Variants in C5orf24 observed in about 807,000 individuals in gnomAD.
C5orf24 encodes the protein chromosome 5 open reading frame 24.
C5orf24 carries 4 observed loss-of-function variants against 9.8 expected under a neutral mutation model. The observed-to-expected ratio is 0.41, with a 90% CI of 0.20 to 0.93. The LOEUF (loss-of-function observed/expected upper bound fraction) is 0.93, where lower values mean the gene tolerates loss of function less well. Ranked by LOEUF, C5orf24 falls within the 40% of genes least tolerant of loss-of-function variation. The pLI is 0.33. For missense variants in C5orf24, 170 were observed against 236.9 expected, an observed-to-expected ratio of 0.72 and a Z score of 1.85; for synonymous variants, 73 against 81.3, an observed-to-expected ratio of 0.90 and a Z score of 0.55.
chr5:134,851,798 A>G (rs1460812223), intron 1 of C5orf24, among the ~76,000 whole-genome samples: 2 of 152,236 alleles, frequency 1.3e-5, no homozygotes, highest in Non-Finnish European at 2.9e-5. Context: ...TAATGTGCAA[A>G]GAACCAAGCT....
chr5:134,852,854 TG>T (rs1263876888), intron 1 of C5orf24, among the ~76,000 whole-genome samples: 1 of 151,922 alleles, frequency 6.6e-6, no homozygotes, highest in Non-Finnish European at 1.5e-5. Context: ...CTGACCAACA[TG>T]GAGAAACCTC....
intron 1 of C5orf24, among the ~76,000 whole-genome samples, chr5:134,853,361 A>T (rs1756213551): frequency 9.8e-6 from 1 of 102,112 alleles, no homozygotes; most frequent in African/African-American, 3.3e-5. Context: ...AACTCCACCT[A>T]AAAAAAAAAA....
chr5:134,836,972 C>T, the C5orf24 span, among the ~76,000 whole-genome samples: 1 of 151,698 alleles, frequency 6.6e-6, no homozygotes, highest in African/African-American at 2.4e-5. Context: ...AATGCTTTAT[C>T]TGTTTTTTCT....
rs1289691778 is a variant in C5orf24 at position 134,859,604 on chromosome 5, T to C, written c.*4137T>C. ...GTAAAAAGTCTGAATAGATACTGTG[T>C]ATGTTTTTATGTCCATGAACTTGAG... On this transcript the variant is annotated 3_prime_UTR_variant, in exon 2 of 2. Transcript: ENST00000394976. 6.0e-6 allele frequency: 1 copy of C among 167,072 alleles called. No individual in the cohort carries two copies. The highest frequency in any genetic ancestry group is 2.4e-5 in the African/African-American group (1 of 41,450). 10.3% of individuals were successfully genotyped at this position (167,072 alleles called of 1,614,324 possible). A position where few individuals can be genotyped will look rare whatever the true frequency, so the allele number is the denominator to read the frequency against.
chr5:134,851,744 ATAT>A (rs1460304830), intron 1 of C5orf24, among the ~76,000 whole-genome samples: 2 of 152,184 alleles, frequency 1.3e-5, no homozygotes, highest in African/African-American at 2.4e-5. Context: ...CTGTAAAATA[ATAT>A]TGTATGTTCC....
At chr5:134,835,985 AT>A in the C5orf24 span, among the ~76,000 whole-genome samples, 2 of 150,590 alleles carry the variant, frequency 1.3e-5, no homozygotes, top group African/African-American at 2.4e-5. Context: ...CCGCACCTGG[AT>A]TTTTTTTTCT....
intron 1 of C5orf24, among the ~76,000 whole-genome samples, chr5:134,847,680 T>A (rs1419112937): frequency 6.6e-6 from 1 of 151,372 alleles, no homozygotes; most frequent in Non-Finnish European, 1.5e-5. Context: ...CAGTCCACGC[T>A]GTCTGGAAAT....
At position 134,857,356 on chromosome 5, in the gene C5orf24, G is replaced by C. The variant is rs747628225; in HGVS notation, c.*1889G>C. 7 of 1,546,902 alleles carry C rather than the reference G, an allele frequency of 4.5e-6. No individual in the cohort carries two copies. Among genetic ancestry groups the C allele is most frequent in the Non-Finnish European group, 6.1e-6 (7 of 1,144,644 alleles). Reference sequence around the variant, plus strand: ...GTCATGTTTCATACCTTTTTTATCAGGAAAAAAGCAGCAAGCCTTCAGGTG... The same window carrying C: ...GTCATGTTTCATACCTTTTTTATCACGAAAAAAGCAGCAAGCCTTCAGGTG... On this transcript the variant is annotated 3_prime_UTR_variant, in exon 2 of 2. Transcript: ENST00000394976.
chr5:134,853,088 C>A (rs1298518372), intron 1 of C5orf24, among the ~76,000 whole-genome samples: 1 of 151,868 alleles, frequency 6.6e-6, no homozygotes, highest in Non-Finnish European at 1.5e-5. Context: ...TGGCGTGAAC[C>A]CGGGAGGCAG....
upstream of C5orf24, chr5:134,845,821 A>C (rs1010362153): frequency 1.3e-5 from 2 of 152,246 alleles, no homozygotes; most frequent in African/African-American, 4.8e-5. Flanking sequence ...CCAGCAGCTC[A>C]GGCTTAAGGC....
chr5:134,859,591 A>G lies in C5orf24; in HGVS notation c.*4124A>G, dbSNP rs1442212579. Reference sequence around the variant, plus strand: ...GCTGTCCTCTGCTGTAAAAAGTCTGAATAGATACTGTGTATGTTTTTATGT... The same window carrying G: ...GCTGTCCTCTGCTGTAAAAAGTCTGGATAGATACTGTGTATGTTTTTATGT... On this transcript the variant is annotated 3_prime_UTR_variant, in exon 2 of 2. Transcript: ENST00000394976. 3 of 167,062 alleles carry G rather than the reference A, an allele frequency of 1.8e-5. No homozygotes were observed. Among genetic ancestry groups the G allele is most frequent in the Non-Finnish European group, 4.4e-5 (3 of 68,106 alleles). 10.3% of individuals were successfully genotyped at this position (167,062 alleles called of 1,614,324 possible).
intron 1 of C5orf24, among the ~76,000 whole-genome samples, chr5:134,852,887 CG>C (rs1756195960): frequency 2.0e-5 from 3 of 152,066 alleles, no homozygotes; most frequent in African/African-American, 7.2e-5. Flanking sequence ...AAATACAGTC[CG>C]GGCACGGTGG....
At position 134,855,218 on chromosome 5, in the gene C5orf24, A is replaced by G; in HGVS notation, c.318A>G (p.Thr106=). ...TTKSAGYRTS[T]GRPLGTTKAA... is the part of the protein sequence containing the mutation. ...AATCAGCAGGATACCGGACCAGCAC[A>G]GGCAGACCCCTGGGAACCACCAAAG... The change falls in exon 2 of 2, where the codon ACA becomes ACG. Residue 106 remains threonine (T), a synonymous_variant. Coordinates refer to ENST00000394976, the MANE Select transcript of C5orf24 (RefSeq NM_001135586.1). 6.2e-7 allele frequency: 1 copy of G among 1,614,240 alleles called. No individual in the cohort carries two copies. The highest frequency in any genetic ancestry group is 8.5e-7 in the Non-Finnish European group (1 of 1,180,046).
In C5orf24 at chr5:134,859,184, G is replaced by T. The variant is rs979844709; in HGVS notation, c.*3717G>T. The T allele has an allele frequency of 1.2e-5, 2 of 166,926 alleles. No individual in the cohort carries two copies. The highest frequency in any genetic ancestry group is 1.9e-4 in the East Asian group (1 of 5,204). The allele number at this position is 166,926 out of a possible 1,614,324, so 10.3% of individuals were successfully genotyped here. A position where few individuals can be genotyped will look rare whatever the true frequency, so the allele number is the denominator to read the frequency against. On this transcript the variant is annotated 3_prime_UTR_variant, in exon 2 of 2. Coordinates refer to ENST00000394976, the MANE Select transcript of C5orf24 (RefSeq NM_001135586.1). ...GTTATTGATAACTGCTACTCTGTCG[G>T]TCATTGTCTCTATATGCAGTAAAAT...
At position 134,856,139 on chromosome 5, in the gene C5orf24, C is replaced by T; in HGVS notation, c.*672C>T. On this transcript the variant is annotated 3_prime_UTR_variant, in exon 2 of 2. Coordinates refer to ENST00000394976, the MANE Select transcript of C5orf24 (RefSeq NM_001135586.1). ...GATAGGTTGTGTATTTTTTAATTGC[C>T]TAAGAGCATATATACCAAACACTAC... The T allele has an allele frequency of 1.0e-6, 1 of 999,440 alleles. No homozygotes were observed. The highest frequency in any genetic ancestry group is 1.2e-6 in the Non-Finnish European group (1 of 829,386). 61.9% of individuals were successfully genotyped at this position (999,440 alleles called of 1,614,324 possible).
chr5:134,834,222 T>A, the C5orf24 span, among the ~76,000 whole-genome samples: 1 of 152,224 alleles, frequency 6.6e-6, no homozygotes, highest in African/African-American at 2.4e-5. Flanking sequence ...GTGAAAAACA[T>A]GTTCTTTCTA....
Position 134,855,116 on chromosome 5 carries a change from A to G in C5orf24, c.216A>G (p.Ile72Met), listed in dbSNP as rs1756275029. The G allele has an allele frequency of 1.2e-6, 2 of 1,614,084 alleles. No individual in the cohort carries two copies. The highest frequency in any genetic ancestry group is 1.1e-5 in the South Asian group (1 of 91,090). The change falls in exon 2 of 2, where the codon ATA becomes ATG. Residue 72 changes from isoleucine to methionine, a missense_variant. Ile to Met is a conservative substitution (Grantham distance 10). Transcript: ENST00000394976. ...TGCAGACTACAAGTGGCAGAAGCATAGAAATAAAAGATGAACTAAAGAAAA... is the reference window on the plus strand; with the variant it reads ...TGCAGACTACAAGTGGCAGAAGCATGGAAATAAAAGATGAACTAAAGAAAA... ...THLQTTSGRS[I>M]EIKDELKKKK... is the part of the protein sequence containing the mutation.
Position 134,855,085 on chromosome 5 carries a change from C to T in C5orf24, c.185C>T (p.Thr62Ile). The change falls in exon 2 of 2, where the codon ACA becomes ATA. Residue 62 changes from threonine to isoleucine, a missense_variant. Thr to Ile is a moderately conservative substitution (Grantham distance 89). Coordinates refer to ENST00000394976, the MANE Select transcript of C5orf24 (RefSeq NM_001135586.1). ...CAGAGGCAAGACCCATTAAATGAAACACACTTGCAGACTACAAGTGGCAGA... is the reference window on the plus strand; with the variant it reads ...CAGAGGCAAGACCCATTAAATGAAATACACTTGCAGACTACAAGTGGCAGA... ...VCQRQDPLNE[T>I]HLQTTSGRSI... 6.2e-7 allele frequency: 1 copy of T among 1,614,130 alleles called. No homozygotes were observed. The highest frequency in any genetic ancestry group is 8.5e-7 in the Non-Finnish European group (1 of 1,180,026).
At chr5:134,842,316 C>G (rs189580381), upstream of C5orf24, among the ~76,000 whole-genome samples, 4 of 152,024 alleles carry the variant, frequency 2.6e-5, no homozygotes, top group African/African-American at 7.2e-5. Context: ...ATGGTGAAAC[C>G]CTGTCCCTAC....
Sources: gnomAD v4.1 joint callset for allele counts (sites outside exome capture counted in the v4.1 genomes callset) on GRCh38, gnomAD v4.1.1 for gene constraint, MANE v1.5 for transcripts, NCBI Gene and HGNC (gene_info 2026-07-23, HGNC 2026-07-21) for gene names.